ZNF284: variants seen among roughly 807,000 people sequenced by gnomAD.
ZNF284 encodes zinc finger protein 284.
A neutral mutation model predicts 12.9 loss-of-function variants in ZNF284; 12 were observed. The ratio of observed to expected loss-of-function variants is 0.93; its 90% confidence interval spans 0.60 to 1.51. The LOEUF is 1.51. Among genes scored for constraint, ZNF284 ranks in the 40% most tolerant of loss-of-function variants. The pLI is 0.00. For missense variants in ZNF284, 667 were observed against 707.3 expected (o/e 0.94, Z 0.65); for synonymous variants, 225 against 236.5 (o/e 0.95, Z 0.45).
chr19:44,085,722 A>T lies in ZNF284; in HGVS notation c.244A>T (p.Ile82Phe), dbSNP rs781232069. The stretch of plus-strand genomic sequence containing the variant: ...ATTCTGTGTCCTTATAGGAGGCAAG[A>T]TCCAAACTGAGTTGGAGTCTGTTCC... ...TQREGNSGGK[I>F]QTELESVPET... The change falls in exon 5 of 5, where the codon ATC becomes TTC. Residue 82 changes from isoleucine to phenylalanine, a missense_variant. Ile to Phe is a conservative substitution (Grantham distance 21). Transcript: ENST00000421176. The T allele has an allele frequency of 4.3e-6, 7 of 1,610,682 alleles. No individual in the cohort carries two copies. The highest frequency in any genetic ancestry group is 5.9e-6 in the Non-Finnish European group (7 of 1,178,252).
intron 4 of ZNF284, among the ~76,000 whole-genome samples, chr19:44,084,068 G>A (rs1967183075): frequency 6.6e-6 from 1 of 152,158 alleles, no homozygotes; most frequent in African/African-American, 2.4e-5. Context: ...ACATGGCAGG[G>A]TGATCTCAAC....
At chr19:44,073,715 T>A (rs1041712864) in intron 1 of ZNF284, among the ~76,000 whole-genome samples, 2 of 151,844 alleles carry the variant, frequency 1.3e-5, no homozygotes, top group African/African-American at 4.8e-5. Flanking sequence ...GCCCGGCTAA[T>A]TTTTTTGTAG....
chr19:44,081,698 C>T (rs1342666086), intron 3 of ZNF284, among the ~76,000 whole-genome samples: 2 of 151,438 alleles, frequency 1.3e-5, no homozygotes, highest in African/African-American at 2.4e-5. Context: ...GGCGACAGAG[C>T]GAGACTCCGT....
At chr19:44,084,486 T>C (rs1354154753) in intron 4 of ZNF284, among the ~76,000 whole-genome samples, 2 of 152,112 alleles carry the variant, frequency 1.3e-5, no homozygotes, top group Admixed American at 6.5e-5. Flanking sequence ...TGAGAACACA[T>C]ATGAGTGTAC....
At chr19:44,073,545 AT>A (rs11331410) in intron 1 of ZNF284, among the ~76,000 whole-genome samples, 63,835 of 140,176 alleles carry the variant, frequency 0.46, 15,878 homozygotes, top group Non-Finnish European at 0.61. Flanking sequence ...CTTCGAGTGC[AT>A]TTTTTTTTTT....
intron 1 of ZNF284, among the ~76,000 whole-genome samples, chr19:44,073,652 T>C (rs1599875446): frequency 6.6e-6 from 1 of 151,688 alleles, no homozygotes; most frequent in Admixed American, 6.6e-5. Flanking sequence ...CACGCCATTC[T>C]CCTGCCTCAG....
chr19:44,088,965 A>G lies in ZNF284; in HGVS notation c.*1705A>G, dbSNP rs1389446087. 6.6e-6 allele frequency: 1 copy of G among 152,100 alleles called. No homozygotes were observed. Among genetic ancestry groups the G allele is most frequent in the Non-Finnish European group, 1.5e-5 (1 of 68,042 alleles). The allele number at this position is 152,100 out of a possible 1,614,324, so 9.4% of individuals were successfully genotyped here. A position where few individuals can be genotyped will look rare whatever the true frequency, so the allele number is the denominator to read the frequency against. Reference sequence around the variant, plus strand: ...CCCCTCAAAAGCTGGGACTATAGGCATGCAACAACACGCCTGGCTAAATTT... The same window carrying G: ...CCCCTCAAAAGCTGGGACTATAGGCGTGCAACAACACGCCTGGCTAAATTT... On this transcript the variant is annotated 3_prime_UTR_variant, in exon 5 of 5. Coordinates refer to ENST00000421176, the MANE Select transcript of ZNF284 (RefSeq NM_001037813.4).
chr19:44,072,791 AG>A (rs879687312), intron 1 of ZNF284, among the ~76,000 whole-genome samples: 3 of 152,150 alleles, frequency 2.0e-5, no homozygotes, highest in Non-Finnish European at 4.4e-5. Context: ...TAGGAAGGCG[AG>A]GGTTGTTTCC....
chr19:44,087,434 A>G lies in ZNF284; in HGVS notation c.*174A>G, dbSNP rs1599655199. On this transcript the variant is annotated 3_prime_UTR_variant, in exon 5 of 5. Transcript: ENST00000421176. ...ACTGCTGTTCTAGTTATTTGAAAAT[A>G]AGTTATTATTAATTATAGTCACCTT... The G allele has an allele frequency of 3.1e-5, 16 of 524,184 alleles. No homozygotes were observed. In the East Asian group the frequency reaches 5.2e-4, roughly 17 times the overall value. The allele number at this position is 524,184 out of a possible 1,614,324, so 32.5% of individuals were successfully genotyped here.
chr19:44,076,552 G>T (rs1396929230), intron 2 of ZNF284, 148 bp downstream of exon 2: 1 of 780,844 alleles, frequency 1.3e-6, no homozygotes, highest in South Asian at 2.6e-5. Context: ...TTTCTTTTGT[G>T]TTGAATTTGC....
rs775686776 is a variant in ZNF284 at position 44,086,860 on chromosome 19, G to C, written c.1382G>C (p.Gly461Ala). The stretch of plus-strand genomic sequence containing the variant: ...AGACCTTATAATTGTAAGGAATGTG[G>C]AAAGAGCTTCAGGTGGGCCTCAGGT... ...GERPYNCKEC[G>A]KSFRWASGIL... Residue 461 changes from glycine (G) to alanine (A), a missense_variant, in exon 5 of 5, where the codon GGA becomes GCA. Physicochemically the swap from Gly to Ala is moderately conservative, Grantham distance 60. Transcript: ENST00000421176. 3.1e-6 allele frequency: 5 copies of C among 1,613,984 alleles called. No individual in the cohort carries two copies. In the Admixed American group the frequency reaches 8.3e-5, roughly 27 times the overall value.
rs114253786 is a variant in ZNF284 at position 44,086,600 on chromosome 19, T to C, written c.1122T>C (p.Asn374=). Residue 374 remains asparagine (N), a synonymous_variant, in exon 5 of 5, where the codon AAT becomes AAC. Transcript: ENST00000421176. ...CAGGAGACAAACCATATAATTGTAA[T>C]GTATGTGGGAAGGGCTTCAGGTGGT... The part of the protein sequence containing the change: ...DHTGDKPYNC[N]VCGKGFRWSS... The C allele has an allele frequency of 7.9e-4, 1,283 of 1,614,134 alleles. 10 individuals carry two copies. In the African/African-American group the frequency reaches 0.015, roughly 19 times the overall value.
At chr19:44,085,530 C>A (rs893263453) in intron 4 of ZNF284, among the ~76,000 whole-genome samples, 184 bp from the exon 5 acceptor site, 1 of 152,056 alleles carries the variant, frequency 6.6e-6, no homozygotes, top group African/African-American at 2.4e-5. Context: ...ATTTCTACCA[C>A]GTATGAGACA....
chr19:44,075,994 T>C (rs1967019505), intron 1 of ZNF284, among the ~76,000 whole-genome samples: 1 of 152,204 alleles, frequency 6.6e-6, no homozygotes, highest in Non-Finnish European at 1.5e-5. Context: ...GAACATTTCA[T>C]ATAAATGCGA....
intron 4 of ZNF284, 36 bp downstream of exon 4, chr19:44,082,141 C>G (rs760769854): frequency 6.5e-7 from 1 of 1,543,022 alleles, no homozygotes; most frequent in Non-Finnish European, 8.9e-7. Flanking sequence ...TTGTACGTGA[C>G]CCTTCCATCT....
At chr19:44,085,433 C>T (rs1055072273) in intron 4 of ZNF284, 53 of 289,764 alleles carry the variant, frequency 1.8e-4, no homozygotes, top group Non-Finnish European at 1.4e-4. Flanking sequence ...ACATAATATA[C>T]CATGCAAGAT....
rs1444653187 is a variant in ZNF284 at position 44,085,737 on chromosome 19, G to C, written c.259G>C (p.Glu87Gln). Residue 87 changes from glutamate to glutamine, a missense_variant, in exon 5 of 5, where the codon GAG becomes CAG. Transcript: ENST00000421176. The stretch of plus-strand genomic sequence containing the variant: ...AGGAGGCAAGATCCAAACTGAGTTG[G>C]AGTCTGTTCCAGAAACAGGACCACA... ...NSGGKIQTEL[E>Q]SVPETGPHEE... The C allele has an allele frequency of 2.5e-5, 41 of 1,613,128 alleles. No individual in the cohort carries two copies. Among genetic ancestry groups the C allele is most frequent in the Non-Finnish European group, 3.5e-5 (41 of 1,179,520 alleles).
In ZNF284 at chr19:44,086,057, T is replaced by TGGG. The variant is rs1967235058; in HGVS notation, c.579_580insGGG (p.His193_Gln194insGly). ...GTTATAGCTCAGCTCTTTGTCTTCA[T>TGGG]CAGAAAGTTCACATGGGAGAGAAAC... On this transcript the variant is annotated inframe_insertion, in exon 5 of 5. Transcript: ENST00000421176. 6.2e-7 allele frequency: 1 copy of TGGG among 1,614,070 alleles called. No homozygotes were observed. Among genetic ancestry groups the TGGG allele is most frequent in the African/African-American group, 1.3e-5 (1 of 74,934 alleles).
chr19:44,077,085 G>C (rs954840823), intron 2 of ZNF284, among the ~76,000 whole-genome samples: 2 of 152,188 alleles, frequency 1.3e-5, no homozygotes, highest in African/African-American at 4.8e-5. Flanking sequence ...CTCCCAAAGT[G>C]CTGGGATTAC....
Sources: gnomAD v4.1 joint callset for allele counts (sites outside exome capture counted in the v4.1 genomes callset) on GRCh38, gnomAD v4.1.1 for gene constraint, MANE v1.5 for transcripts, NCBI Gene and HGNC (gene_info 2026-07-23, HGNC 2026-07-21) for gene names.